LHFPL6: variants seen among roughly 807,000 people sequenced by gnomAD.
LHFPL6 encodes the protein LHFPL tetraspan subfamily member 6 protein.
Under a neutral mutation model 20.6 loss-of-function variants are expected in LHFPL6, and 9 were observed. That is an observed-to-expected ratio of 0.44 (90% CI 0.26 to 0.76). The LOEUF is 0.76. Among genes scored for constraint, LHFPL6 ranks in the 30% least tolerant of loss-of-function variants. The pLI, the probability that LHFPL6 is intolerant of heterozygous loss-of-function variation, is 0.20. For missense variants in LHFPL6, 218 were observed against 253.5 expected (o/e 0.86, Z 0.95); for synonymous variants, 105 against 98.7 (o/e 1.06, Z -0.38).
In LHFPL6 at chr13:39,374,903, A is replaced by C. The variant is rs535668135; in HGVS notation, c.484+3525T>G. ...GCCCATGGGCTGGCTCATTATAAGC[A>C]CTCCATAAATATTTGTTGGCTGACT... is the stretch of plus-strand genomic sequence containing the variant. On this transcript the variant is annotated intron_variant, in intron 3 of 3. Coordinates refer to ENST00000379589, the MANE Select transcript of LHFPL6 (RefSeq NM_005780.3). Among the ~76,000 whole-genome samples the C allele has an allele frequency of 2.6e-5, 4 of 152,148 alleles. No individual in the cohort carries two copies. The South Asian group carries it at 8.3e-4, about 32-fold the overall frequency.
intron 2 of LHFPL6, among the ~76,000 whole-genome samples, chr13:39,387,010 T>A (rs1312063386): frequency 2.0e-5 from 3 of 152,186 alleles, no homozygotes; most frequent in Non-Finnish European, 4.4e-5. Flanking sequence ...GTTTTGCCTC[T>A]CCTGTGAGCT....
intron 2 of LHFPL6, among the ~76,000 whole-genome samples, chr13:39,439,618 C>T (rs555762371): frequency 7.2e-5 from 11 of 152,202 alleles, no homozygotes; most frequent in Middle Eastern, 3.4e-3. Flanking sequence ...TTGGAGATGG[C>T]GCCTGGTGGG....
intron 2 of LHFPL6, among the ~76,000 whole-genome samples, chr13:39,382,084 G>A (rs1352537647): frequency 2.6e-5 from 4 of 152,128 alleles, no homozygotes; most frequent in African/African-American, 9.7e-5. Context: ...TCATCCTCAA[G>A]GACTTACGTA....
intron 2 of LHFPL6, among the ~76,000 whole-genome samples, chr13:39,531,562 T>C (rs1035099143): frequency 6.6e-6 from 1 of 152,162 alleles, no homozygotes; most frequent in Non-Finnish European, 1.5e-5. Flanking sequence ...GGTACAGAAG[T>C]ACCAAATTTA....
chr13:39,525,973 C>T (rs556683177), intron 2 of LHFPL6, among the ~76,000 whole-genome samples: 1 of 152,002 alleles, frequency 6.6e-6, no homozygotes, highest in South Asian at 2.1e-4. Flanking sequence ...AGGCACTAAC[C>T]CATAACAAAA....
chr13:39,436,562 C>A (rs567096603), intron 2 of LHFPL6, among the ~76,000 whole-genome samples: 91 of 152,282 alleles, frequency 6.0e-4, no homozygotes, highest in Admixed American at 1.3e-3. Context: ...TCTCCATAGC[C>A]CCTGTCCCGT....
chr13:39,547,341 T>G (rs570215742), intron 2 of LHFPL6, among the ~76,000 whole-genome samples: 2 of 152,112 alleles, frequency 1.3e-5, no homozygotes, highest in Non-Finnish European at 2.9e-5. Context: ...GCTCCATTCA[T>G]CTTGTATCCC....
intron 2 of LHFPL6, among the ~76,000 whole-genome samples, chr13:39,578,024 G>T (rs1270230227): frequency 6.6e-6 from 1 of 152,112 alleles, no homozygotes; most frequent in Non-Finnish European, 1.5e-5. Context: ...AAACAAGCAT[G>T]TCCTGGCAGC....
chr13:39,546,930 C>A (rs1870998758), intron 2 of LHFPL6, among the ~76,000 whole-genome samples: 1 of 152,048 alleles, frequency 6.6e-6, no homozygotes, highest in Non-Finnish European at 1.5e-5. Flanking sequence ...ATTCCCATTG[C>A]TTTGAAGACT....
At chr13:39,363,962 T>C (rs1477495457) in intron 3 of LHFPL6, among the ~76,000 whole-genome samples, 1 of 152,236 alleles carries the variant, frequency 6.6e-6, no homozygotes, top group Non-Finnish European at 1.5e-5. Flanking sequence ...GATTTTGTCA[T>C]TGTGCAAACA....
intron 2 of LHFPL6, among the ~76,000 whole-genome samples, chr13:39,455,253 T>TC (rs1872543519): frequency 6.6e-6 from 1 of 151,838 alleles, no homozygotes; most frequent in Admixed American, 6.6e-5. Context: ...TGCAGAATAC[T>TC]CCCCCTAAAG....
chr13:39,511,394 C>A (rs1869699993), intron 2 of LHFPL6, among the ~76,000 whole-genome samples: 1 of 151,706 alleles, frequency 6.6e-6, no homozygotes. Flanking sequence ...ATATTTCCTC[C>A]CATTTTGGCT....
At chr13:39,562,407 C>CAT (rs1401360857) in intron 2 of LHFPL6, among the ~76,000 whole-genome samples, 1 of 70,190 alleles carries the variant, frequency 1.4e-5, no homozygotes, top group East Asian at 5.0e-4. Context: ...TACATATATA[C>CAT]ACATATACAC....
chr13:39,474,783 G>C (rs1051799384), intron 2 of LHFPL6, among the ~76,000 whole-genome samples: 1 of 152,026 alleles, frequency 6.6e-6, no homozygotes, highest in African/African-American at 2.4e-5. Context: ...GTGGGGGCAG[G>C]CCAGTACCAC....
chr13:39,520,124 C>G lies in LHFPL6; in HGVS notation c.385+80708G>C, dbSNP rs143870431. On this transcript the variant is annotated intron_variant, in intron 2 of 3. Coordinates refer to ENST00000379589, the MANE Select transcript of LHFPL6 (RefSeq NM_005780.3). The stretch of plus-strand genomic sequence containing the variant: ...GTCTTCAGAATCGGTTCATCTGAAT[C>G]AACACCTTTTGTCATGTAAAAGGCT... 2.8e-3 allele frequency among the ~76,000 whole-genome samples: 421 copies of G among 152,318 alleles called. 2 individuals carry two copies. Among genetic ancestry groups the G allele is most frequent in the African/African-American group, 9.6e-3 (400 of 41,576 alleles).
At position 39,587,667 on chromosome 13, in the gene LHFPL6, G is replaced by A. The variant is rs534864827; in HGVS notation, c.385+13165C>T. ...AGATATTTCAAACACAGAGAATTTT[G>A]TACAAGAAATTGGTTCTACAGATGA... On this transcript the variant is annotated intron_variant, in intron 2 of 3. Coordinates refer to ENST00000379589, the MANE Select transcript of LHFPL6 (RefSeq NM_005780.3). 3.3e-5 allele frequency among the ~76,000 whole-genome samples: 5 copies of A among 152,090 alleles called. No individual in the cohort carries two copies. The East Asian group carries it at 9.7e-4, about 29-fold the overall frequency.
chr13:39,550,916 G>A (rs112934254), intron 2 of LHFPL6, among the ~76,000 whole-genome samples: 1 of 152,060 alleles, frequency 6.6e-6, no homozygotes, highest in Non-Finnish European at 1.5e-5. Flanking sequence ...GTGAAATACA[G>A]AAAGTTTGCA....
intron 3 of LHFPL6, among the ~76,000 whole-genome samples, chr13:39,351,223 C>T (rs1457926406): frequency 6.6e-6 from 1 of 152,150 alleles, no homozygotes; most frequent in Non-Finnish European, 1.5e-5. Flanking sequence ...CATATAACAG[C>T]TGTCATATAT....
intron 2 of LHFPL6, among the ~76,000 whole-genome samples, chr13:39,480,392 G>C (rs1210392147): frequency 1.3e-5 from 2 of 152,112 alleles, no homozygotes; most frequent in Non-Finnish European, 2.9e-5. Context: ...TTCATAGAGA[G>C]CATCTATTAC....
Sources: gnomAD v4.1 joint callset for allele counts (sites outside exome capture counted in the v4.1 genomes callset) on GRCh38, gnomAD v4.1.1 for gene constraint, MANE v1.5 for transcripts, NCBI Gene and HGNC (gene_info 2026-07-23, HGNC 2026-07-21) for gene names.